Variants in ADAMTS2 observed in about 807,000 individuals in gnomAD.
ADAMTS2 encodes the protein A disintegrin and metalloproteinase with thrombospondin motifs 2.
A neutral mutation model predicts 123.0 loss-of-function variants in ADAMTS2; 50 were observed. The ratio of observed to expected loss-of-function variants is 0.41; its 90% CI spans 0.32 to 0.51. The LOEUF (loss-of-function observed/expected upper bound fraction) is 0.51. ADAMTS2 is among the 20% of genes least tolerant of loss of function. The pLI, the probability that ADAMTS2 is intolerant of heterozygous loss-of-function variation, is 0.35. For missense variants in ADAMTS2, 1,494 were observed against 1,705.2 expected, an observed-to-expected ratio of 0.88 and a Z score of 2.18; for synonymous variants, 678 against 695.4, an observed-to-expected ratio of 0.98 and a Z score of 0.39.
At chr5:179,116,814 G>T (rs1417540478) in intron 21 of ADAMTS2, among the ~76,000 whole-genome samples, 1 of 152,094 alleles carries the variant, frequency 6.6e-6, no homozygotes, top group East Asian at 1.9e-4. Flanking sequence ...CCAAAATAAG[G>T]AGAACACATG....
chr5:179,127,074 A>G (rs1339457636), intron 17 of ADAMTS2, among the ~76,000 whole-genome samples: 1 of 152,216 alleles, frequency 6.6e-6, no homozygotes, highest in African/African-American at 2.4e-5. Flanking sequence ...TGACACCAGG[A>G]AGAGAGAGAC....
chr5:179,212,859 G>A (rs1306315516), intron 3 of ADAMTS2, among the ~76,000 whole-genome samples: 5 of 152,016 alleles, frequency 3.3e-5, no homozygotes, highest in Admixed American at 6.5e-5. Context: ...CTGGGTGTTC[G>A]CTGTCCCCTG....
chr5:179,217,240 T>C (rs1765004027), intron 3 of ADAMTS2, among the ~76,000 whole-genome samples: 1 of 152,006 alleles, frequency 6.6e-6, no homozygotes, highest in African/African-American at 2.4e-5. Context: ...AAAAACAGAG[T>C]GCCAAGTGCA....
intron 3 of ADAMTS2, among the ~76,000 whole-genome samples, chr5:179,221,272 C>T (rs1328955088): frequency 6.6e-6 from 1 of 152,182 alleles, no homozygotes; most frequent in East Asian, 1.9e-4. Flanking sequence ...GCCCAGGCAA[C>T]AGGCACCCCT....
intron 9 of ADAMTS2, among the ~76,000 whole-genome samples, chr5:179,152,799 G>A (rs567594279): frequency 4.6e-5 from 7 of 152,144 alleles, no homozygotes; most frequent in Non-Finnish European, 8.8e-5. Flanking sequence ...CATGAGAATC[G>A]AGTCCACTGT....
intron 3 of ADAMTS2, among the ~76,000 whole-genome samples, chr5:179,239,662 C>T (rs1439601344): frequency 6.6e-6 from 1 of 151,986 alleles, no homozygotes; most frequent in Admixed American, 6.6e-5. Flanking sequence ...ATCTGGGAGC[C>T]ATTTCATGGT....
chr5:179,337,078 C>T (rs1430609401), intron 2 of ADAMTS2, among the ~76,000 whole-genome samples: 1 of 152,198 alleles, frequency 6.6e-6, no homozygotes, highest in Non-Finnish European at 1.5e-5. Context: ...ATAACTTCTC[C>T]ATATTAATGG....
intron 17 of ADAMTS2, among the ~76,000 whole-genome samples, chr5:179,126,832 C>T (rs972017796): frequency 4.6e-5 from 7 of 152,168 alleles, no homozygotes; most frequent in African/African-American, 7.2e-5. Context: ...GGGAGGCTGA[C>T]GTGGTGGCAG....
At chr5:179,177,339 A>G (rs1377632933) in intron 5 of ADAMTS2, among the ~76,000 whole-genome samples, 2 of 152,194 alleles carry the variant, frequency 1.3e-5, no homozygotes, top group Non-Finnish European at 2.9e-5. Context: ...TTTTACTTCT[A>G]TTTTTAGAAG....
intron 2 of ADAMTS2, among the ~76,000 whole-genome samples, chr5:179,311,948 T>C (rs546622004): frequency 2.3e-4 from 35 of 152,284 alleles, no homozygotes; most frequent in Admixed American, 2.0e-3. Context: ...ACACTCTGCC[T>C]TGCTGAAGGG....
intron 3 of ADAMTS2, among the ~76,000 whole-genome samples, chr5:179,245,683 G>A (rs13165267): frequency 0.37 from 51,378 of 140,670 alleles, 9,753 homozygotes; most frequent in African/African-American, 0.48. Context: ...GGAGAATGGC[G>A]TGAACCCGGG....
rs1762682369 is a variant in ADAMTS2, at chr5:179,117,525, T to C, written c.3179-3201A>G. On this transcript the variant is annotated intron_variant, in intron 21 of 21. Coordinates refer to ENST00000251582, the MANE Select transcript of ADAMTS2 (RefSeq NM_014244.5). This position sits in a 1 kb window ranked among gnomAD's most constrained non-coding sequence, Gnocchi z 4.2. ...CCTCCACCTGGTTTTGTAAATAAAG[T>C]TTTATTGGATCAGGCCCATGCCCAT... 6.6e-6 allele frequency among the ~76,000 whole-genome samples: 1 copy of C among 151,912 alleles called. No individual in the cohort carries two copies. The highest frequency in any genetic ancestry group is 1.5e-5 in the Non-Finnish European group (1 of 67,986).
chr5:179,295,360 G>A (rs1176731495), intron 2 of ADAMTS2, among the ~76,000 whole-genome samples: 1 of 152,146 alleles, frequency 6.6e-6, no homozygotes, highest in African/African-American at 2.4e-5. Context: ...AGGAAACCAG[G>A]GCTGGGGAGA....
At chr5:179,195,225 C>T (rs1239144551) in intron 4 of ADAMTS2, among the ~76,000 whole-genome samples, 1 of 152,200 alleles carries the variant, frequency 6.6e-6, no homozygotes, top group Non-Finnish European at 1.5e-5. Context: ...GGACAGCTCC[C>T]AATCCCAGCA....
chr5:179,148,194 C>G (rs998029928), intron 10 of ADAMTS2, among the ~76,000 whole-genome samples: 1 of 152,076 alleles, frequency 6.6e-6, no homozygotes, highest in African/African-American at 2.4e-5. Context: ...CTGAACAGAC[C>G]GCACTCCCTT....
At chr5:179,178,892 A>G (rs1229826209) in intron 5 of ADAMTS2, among the ~76,000 whole-genome samples, 1 of 152,232 alleles carries the variant, frequency 6.6e-6, no homozygotes, top group African/African-American at 2.4e-5. Context: ...CTTTAACCAC[A>G]TTCCAAAAGA....
chr5:179,148,604 T>C (rs1455551538), intron 10 of ADAMTS2, among the ~76,000 whole-genome samples: 1 of 152,142 alleles, frequency 6.6e-6, no homozygotes, highest in Non-Finnish European at 1.5e-5. Context: ...TCTGAGGTCA[T>C]TGCTGGGGAG....
rs40141 is a variant in ADAMTS2, at chr5:179,265,490, G to A, written c.688+7421C>T. On this transcript the variant is annotated intron_variant, in intron 3 of 21. Coordinates refer to ENST00000251582, the MANE Select transcript of ADAMTS2 (RefSeq NM_014244.5). ...ACGTCTCCACTGTGGAATAAGGGGG[G>A]CCCAGCCCTCGCTGGGGCTGCAAGC... Among the ~76,000 whole-genome samples, 637 of 152,218 alleles carry A rather than the reference G, an allele frequency of 4.2e-3. 8 individuals are homozygous for A. Among genetic ancestry groups the A allele is most frequent in the African/African-American group, 0.015 (618 of 41,558 alleles).
At position 179,152,989 on chromosome 5, in the gene ADAMTS2, CAT is replaced by C. The variant is rs554185179; in HGVS notation, c.1515+500_1515+501del. Among the ~76,000 whole-genome samples the C allele has an allele frequency of 1.5e-3, 236 of 152,342 alleles. 1 individual carries two copies. The highest frequency in any genetic ancestry group is 2.8e-3 in the Non-Finnish European group (188 of 68,024). ...CAGCAGAGGCGAGCATTAAGACGCTCATAGACACTGAAGCTCCCACAGTGTGG... is the reference window on the plus strand; with the variant it reads ...CAGCAGAGGCGAGCATTAAGACGCTCAGACACTGAAGCTCCCACAGTGTGG... On this transcript the variant is annotated intron_variant, in intron 9 of 21. Transcript: ENST00000251582.
Sources: gnomAD v4.1 joint callset for allele counts (sites outside exome capture counted in the v4.1 genomes callset) on GRCh38, gnomAD v4.1.1 for gene constraint, Gnocchi (gnomAD v3.1) non-coding constraint, MANE v1.5 for transcripts, NCBI Gene and HGNC (gene_info 2026-07-23, HGNC 2026-07-21) for gene names.